Variants in OCA2 observed in about 807,000 individuals in gnomAD.
OCA2 encodes the protein P protein.
A neutral mutation model predicts 100.2 loss-of-function variants in OCA2; 77 were observed. That is an observed-to-expected ratio of 0.77 (90% CI 0.64 to 0.93). OCA2 has a LOEUF of 0.93. Among genes scored for constraint, OCA2 ranks in the 40% least tolerant of loss-of-function variants. The probability of loss-of-function intolerance (pLI) is 0.00; values close to 1 mark genes in which losing one functional copy is unlikely to be tolerated. For synonymous variants in OCA2, 432 were observed against 439.2 expected (o/e 0.98, Z 0.21); for missense variants, 1,062 against 1,089.1 (o/e 0.98, Z 0.35).
chr15:27,978,147 G>A (rs1473974857), intron 14 of OCA2, among the ~76,000 whole-genome samples: 3 of 152,110 alleles, frequency 2.0e-5, no homozygotes, highest in Non-Finnish European at 4.4e-5. Flanking sequence ...TAATTCAACT[G>A]TGGTCACAGA....
At chr15:27,738,449 C>G in the OCA2 span, among the ~76,000 whole-genome samples, 4 of 152,284 alleles carry the variant, frequency 2.6e-5, 1 homozygote, top group South Asian at 8.3e-4. Flanking sequence ...AGAAGCTCAA[C>G]GCCGGGCCGG....
chr15:27,886,860 G>A (rs1422796068), intron 19 of OCA2, among the ~76,000 whole-genome samples: 1 of 152,180 alleles, frequency 6.6e-6, no homozygotes, highest in Non-Finnish European at 1.5e-5. Flanking sequence ...AATTCGGAAA[G>A]GTGGTAAGAG....
chr15:27,726,343 A>AT, the OCA2 span, among the ~76,000 whole-genome samples: 6 of 150,966 alleles, frequency 4.0e-5, no homozygotes, highest in Non-Finnish European at 7.4e-5. Flanking sequence ...AAATAAATAA[A>AT]AATAGTTTAG....
chr15:28,071,617 C>T (rs2044263500), intron 2 of OCA2, among the ~76,000 whole-genome samples: 1 of 152,188 alleles, frequency 6.6e-6, no homozygotes, highest in South Asian at 2.1e-4. Flanking sequence ...TAAAACCTGA[C>T]ACCTACATCT....
In OCA2 at chr15:27,941,595, C is replaced by T. The variant is rs529221298; in HGVS notation, c.1951+10189G>A. ...GCTAATAAAAGGAGACCGCAACCAACGATGAATCCCCGCATGTGGAGAATC... is the reference window on the plus strand; with the variant it reads ...GCTAATAAAAGGAGACCGCAACCAATGATGAATCCCCGCATGTGGAGAATC... On this transcript the variant is annotated intron_variant, in intron 18 of 23. Transcript: ENST00000354638. Among the ~76,000 whole-genome samples the T allele has an allele frequency of 3.9e-5, 6 of 152,276 alleles. No homozygotes were observed. The South Asian group carries it at 6.2e-4, about 16-fold the overall frequency.
At chr15:27,811,175 A>G (rs955480778) in intron 23 of OCA2, among the ~76,000 whole-genome samples, 7 of 141,226 alleles carry the variant, frequency 5.0e-5, no homozygotes, top group African/African-American at 1.8e-4. Context: ...TACACCATGG[A>G]ATACTACTTA....
At chr15:27,829,233 C>G (rs548435503) in intron 23 of OCA2, among the ~76,000 whole-genome samples, 1 of 151,628 alleles carries the variant, frequency 6.6e-6, no homozygotes, top group African/African-American at 2.4e-5. Flanking sequence ...AGGTGACAGA[C>G]AGCTAGATGA....
At chr15:27,969,906 A>T (rs1004018336) in intron 14 of OCA2, among the ~76,000 whole-genome samples, 51 of 40,264 alleles carry the variant, frequency 1.3e-3, no homozygotes, top group African/African-American at 2.0e-3. Flanking sequence ...GTGAAAATTT[A>T]AAAAAAAAAA....
intron 9 of OCA2, among the ~76,000 whole-genome samples, chr15:28,003,153 T>C (rs2041980762): frequency 6.6e-6 from 1 of 152,250 alleles, no homozygotes; most frequent in South Asian, 2.1e-4. Flanking sequence ...AGCTGAATTT[T>C]CAGTACTCAG....
intron 5 of OCA2, among the ~76,000 whole-genome samples, chr15:28,023,649 A>G (rs1462285529): frequency 6.6e-6 from 1 of 152,104 alleles, no homozygotes; most frequent in East Asian, 1.9e-4. Flanking sequence ...CCCCCATCAC[A>G]GCAGCACCTA....
chr15:28,039,837 A>T (rs1427661820), intron 2 of OCA2, among the ~76,000 whole-genome samples: 2 of 152,190 alleles, frequency 1.3e-5, no homozygotes, highest in Non-Finnish European at 2.9e-5. Flanking sequence ...GTTCAAGATC[A>T]GCCTGGCCAA....
At chr15:27,729,675 A>G in the OCA2 span, among the ~76,000 whole-genome samples, 97 of 152,260 alleles carry the variant, frequency 6.4e-4, 2 homozygotes, top group South Asian at 0.011. Context: ...TTCTCTGCCT[A>G]TGGCGGGAAA....
At chr15:27,934,301 G>T (rs1225418174) in intron 18 of OCA2, among the ~76,000 whole-genome samples, 1 of 152,110 alleles carries the variant, frequency 6.6e-6, no homozygotes, top group Non-Finnish European at 1.5e-5. Flanking sequence ...CAGCAAAGAG[G>T]CTGCAGTGGC....
the OCA2 span, among the ~76,000 whole-genome samples, chr15:27,728,285 A>C: frequency 6.6e-6 from 1 of 152,180 alleles, no homozygotes; most frequent in Admixed American, 6.5e-5. Context: ...AGAAGGAAAG[A>C]CTGGTCTCAA....
intron 19 of OCA2, among the ~76,000 whole-genome samples, chr15:27,924,382 G>A (rs1255978964): frequency 6.9e-6 from 1 of 145,070 alleles, no homozygotes; most frequent in Non-Finnish European, 1.5e-5. Flanking sequence ...GTTGTTCAAG[G>A]GTCAATTGTA....
chr15:27,907,017 C>G (rs1444641381), intron 19 of OCA2, among the ~76,000 whole-genome samples: 1 of 152,154 alleles, frequency 6.6e-6, no homozygotes, highest in African/African-American at 2.4e-5. Flanking sequence ...CTCATTACCA[C>G]AAAGATGGCA....
At chr15:27,977,922 A>T (rs2041022654) in intron 14 of OCA2, among the ~76,000 whole-genome samples, 1 of 152,148 alleles carries the variant, frequency 6.6e-6, no homozygotes, top group Admixed American at 6.5e-5. Flanking sequence ...TGGATCTTGA[A>T]CTTTCTAGCC....
intron 15 of OCA2, among the ~76,000 whole-genome samples, chr15:27,966,414 T>C (rs1177522694): frequency 6.6e-6 from 1 of 152,226 alleles, no homozygotes; most frequent in Non-Finnish European, 1.5e-5. Context: ...TTGTACCATA[T>C]ACACGTGGCT....
chr15:27,927,379 T>C (rs1255676894), intron 18 of OCA2, among the ~76,000 whole-genome samples: 1 of 152,246 alleles, frequency 6.6e-6, no homozygotes, highest in African/African-American at 2.4e-5. Flanking sequence ...TGTGGCTATA[T>C]TACAATGTAC....
Sources: gnomAD v4.1 joint callset for allele counts (sites outside exome capture counted in the v4.1 genomes callset) on GRCh38, gnomAD v4.1.1 for gene constraint, MANE v1.5 for transcripts, NCBI Gene and HGNC (gene_info 2026-07-23, HGNC 2026-07-21) for gene names.